Variants in TNFRSF9 observed in about 807,000 individuals in gnomAD.
TNFRSF9 encodes the protein TNF receptor superfamily member 9.
In TNFRSF9, 16 loss-of-function variants were observed where a neutral mutation model predicts 28.8. The ratio of observed to expected loss-of-function variants is 0.55; its 90% CI spans 0.38 to 0.84. The LOEUF is 0.84. TNFRSF9 is among the 40% of genes least tolerant of loss of function. The pLI, the probability that TNFRSF9 is intolerant of heterozygous loss-of-function variation, is 0.00. For synonymous variants in TNFRSF9, 131 were observed against 117.0 expected (o/e 1.12, Z -0.77); for missense variants, 303 against 315.0 (o/e 0.96, Z 0.29).
Position 7,935,128 on chromosome 1 carries a change from T to C in TNFRSF9, c.429A>G (p.Gly143=), listed in dbSNP as rs1270604315. The part of the protein sequence containing the change: ...CRPWTNCSLD[G]KSVLVNGTKE... The stretch of plus-strand genomic sequence containing the variant: ...TCGTCCCATTCACAAGCACAGACTT[T>C]CCATCCAAAGAACAGCTTAGACAGT... The change falls in exon 6 of 8, where the codon GGA becomes GGG. Residue 143 remains glycine (G), a synonymous_variant. Transcript: ENST00000377507. 13 of 1,614,208 alleles carry C rather than the reference T, an allele frequency of 8.1e-6. No homozygotes were observed. The highest frequency in any genetic ancestry group is 2.2e-5 in the East Asian group (1 of 44,882).
chr1:7,923,311 C>T (rs116256832), intron 7 of TNFRSF9, among the ~76,000 whole-genome samples: 1 of 152,210 alleles, frequency 6.6e-6, no homozygotes, highest in Non-Finnish European at 1.5e-5. Flanking sequence ...TGGACTTCCA[C>T]CCTCACGGCT....
rs1228488862 is a variant in TNFRSF9, at chr1:7,916,062, C to A, written c.*4773G>T. ...ACATCTTCCTGTGGGGGAAGATGCCCACTTTATAGTCATCCGCCCCTCACA... is the reference window on the plus strand; with the variant it reads ...ACATCTTCCTGTGGGGGAAGATGCCAACTTTATAGTCATCCGCCCCTCACA... On this transcript the variant is annotated 3_prime_UTR_variant, in exon 8 of 8. Transcript: ENST00000377507. 6.6e-6 allele frequency: 1 copy of A among 152,006 alleles called. No individual in the cohort carries two copies. The highest frequency in any genetic ancestry group is 1.9e-4 in the East Asian group (1 of 5,180). The allele number at this position is 152,006 out of a possible 1,614,324, so 9.4% of individuals were successfully genotyped here. A position where few individuals can be genotyped will look rare whatever the true frequency, so the allele number is the denominator to read the frequency against.
Position 7,920,340 on chromosome 1 carries a change from C to T in TNFRSF9, c.*495G>A, listed in dbSNP as rs1247356057. The stretch of plus-strand genomic sequence containing the variant: ...TTTTTTTTATCACCAGCTCTGTCCT[C>T]ATCTGTCTGTTCTGTTAAAAGTGGT... On this transcript the variant is annotated 3_prime_UTR_variant, in exon 8 of 8. Transcript: ENST00000377507. The T allele has an allele frequency of 6.9e-6, 1 of 144,174 alleles. No individual in the cohort carries two copies. Among genetic ancestry groups the T allele is most frequent in the Admixed American group, 7.0e-5 (1 of 14,188 alleles). The allele number at this position is 144,174 out of a possible 1,614,324, so 8.9% of individuals were successfully genotyped here.
Position 7,920,840 on chromosome 1 carries a change from G to A in TNFRSF9, c.763C>T (p.Leu255=), listed in dbSNP as rs2151410080. The A allele has an allele frequency of 6.2e-7, 1 of 1,613,278 alleles. No homozygotes were observed. Among genetic ancestry groups the A allele is most frequent in the South Asian group, 1.1e-5 (1 of 91,042 alleles). The part of the protein sequence containing the change: ...FPEEEEGGCE[L] ...CAGCCCTATTGACTTCCATTTCACA[G>A]TTCACATCCTCCTTCTTCTTCTTCT... is the stretch of plus-strand genomic sequence containing the variant. Residue 255 remains leucine (L), a synonymous_variant, in exon 8 of 8, where the codon CTG becomes TTG. Coordinates refer to ENST00000377507, the MANE Select transcript of TNFRSF9 (RefSeq NM_001561.6).
At chr1:7,927,179 G>A (rs1639668062) in intron 7 of TNFRSF9, among the ~76,000 whole-genome samples, 1 of 152,172 alleles carries the variant, frequency 6.6e-6, no homozygotes, top group African/African-American at 2.4e-5. Flanking sequence ...AATGCAAGAT[G>A]TGAGCAAACT....
intron 7 of TNFRSF9, among the ~76,000 whole-genome samples, chr1:7,931,898 C>A (rs1197094210): frequency 1.3e-5 from 2 of 152,236 alleles, no homozygotes; most frequent in African/African-American, 2.4e-5. Flanking sequence ...AATCCCAACA[C>A]TTTGGGAGGC....
chr1:7,931,787 A>G (rs1639734570), intron 7 of TNFRSF9, among the ~76,000 whole-genome samples: 4 of 152,260 alleles, frequency 2.6e-5, no homozygotes, highest in Admixed American at 2.0e-4. Context: ...ATAGGTCACA[A>G]TGTATAAAAG....
Position 7,924,782 on chromosome 1 carries a change from C to A in TNFRSF9, c.680-3859G>T, listed in dbSNP as rs182299006. Among the ~76,000 whole-genome samples, 4 of 152,248 alleles carry A rather than the reference C, an allele frequency of 2.6e-5. No homozygotes were observed. The East Asian group carries it at 7.7e-4, about 29-fold the overall frequency. ...TTGCCCCAAAGATCTTCCAGTGGGA[C>A]AAGATGTGGAGGTGGCAGACACCAA... On this transcript the variant is annotated intron_variant, in intron 7 of 7. Transcript: ENST00000377507.
intron 7 of TNFRSF9, among the ~76,000 whole-genome samples, chr1:7,929,966 C>CCTT (rs1300112446): frequency 1.3e-5 from 1 of 77,078 alleles, no homozygotes; most frequent in African/African-American, 4.6e-5. Context: ...CGACCTAAAA[C>CCTT]CTTTTTTTTT....
chr1:7,933,668 C>G (rs1456012695), intron 6 of TNFRSF9, among the ~76,000 whole-genome samples: 1 of 151,776 alleles, frequency 6.6e-6, no homozygotes, highest in Non-Finnish European at 1.5e-5. Flanking sequence ...GCACTCCAAC[C>G]TGGGCAACAG....
chr1:7,934,973 A>G (rs9657980), intron 6 of TNFRSF9, 40 bp downstream of exon 6: 34,407 of 1,609,826 alleles, frequency 0.021, 466 homozygotes, highest in Non-Finnish European at 0.026. Context: ...TGGAATCACC[A>G]TAAGATACGC....
chr1:7,936,096 AT>A (rs1639811676), intron 5 of TNFRSF9, among the ~76,000 whole-genome samples: 1 of 152,116 alleles, frequency 6.6e-6, no homozygotes, highest in Non-Finnish European at 1.5e-5. Context: ...ACTCTGAAAA[AT>A]TTGTATTGAA....
intron 5 of TNFRSF9, 136 bp from the exon 6 acceptor site, chr1:7,935,279 A>G: frequency 1.0e-6 from 1 of 987,420 alleles, no homozygotes. Context: ...AAGCGATGCA[A>G]AGATATTTTG....
chr1:7,924,294 CATATATATATAT>C (rs58569630), intron 7 of TNFRSF9, among the ~76,000 whole-genome samples: 43,528 of 129,538 alleles, frequency 0.34, 7,941 homozygotes, highest in Middle Eastern at 0.47. Flanking sequence ...TAGTATATTC[CATATATATATAT>C]ATATATATAT....
rs59398399 is a variant in TNFRSF9, at chr1:7,931,561, A to T, written c.679+1601T>A. Among the ~76,000 whole-genome samples the T allele has an allele frequency of 1.8e-3, 273 of 152,308 alleles. 1 individual carries two copies. Among genetic ancestry groups the T allele is most frequent in the African/African-American group, 6.4e-3 (265 of 41,556 alleles). Reference sequence around the variant, plus strand: ...ATGAAGTTCACAAGCAGCCCAATAAAACTGTGTTATTAGGTAGCAAAACTA... The same window carrying T: ...ATGAAGTTCACAAGCAGCCCAATAATACTGTGTTATTAGGTAGCAAAACTA... On this transcript the variant is annotated intron_variant, in intron 7 of 7. Coordinates refer to ENST00000377507, the MANE Select transcript of TNFRSF9 (RefSeq NM_001561.6).
intron 6 of TNFRSF9, among the ~76,000 whole-genome samples, chr1:7,934,067 T>C (rs924446324): frequency 6.6e-6 from 1 of 151,906 alleles, no homozygotes; most frequent in African/African-American, 2.4e-5. Flanking sequence ...TTATCCTTTC[T>C]AGCACATAGA....
chr1:7,921,035 C>G, intron 7 of TNFRSF9, 112 bp from the exon 8 acceptor site: 2 of 809,578 alleles, frequency 2.5e-6, no homozygotes, highest in Non-Finnish European at 4.0e-6. Context: ...ACATTCTCCC[C>G]TTTAATTTTA....
At chr1:7,931,781 GT>G (rs2151416873) in intron 7 of TNFRSF9, among the ~76,000 whole-genome samples, 1 of 152,290 alleles carries the variant, frequency 6.6e-6, no homozygotes, top group African/African-American at 2.4e-5. Flanking sequence ...TTCTGTATAG[GT>G]CACAATGTAT....
At chr1:7,927,912 A>C (rs899991556) in intron 7 of TNFRSF9, among the ~76,000 whole-genome samples, 1 of 152,150 alleles carries the variant, frequency 6.6e-6, no homozygotes, top group African/African-American at 2.4e-5. Context: ...TTTATAAACC[A>C]TATATATGCC....
Sources: allele counts gnomAD v4.1 joint callset (sites outside exome capture counted in the v4.1 genomes callset), GRCh38; gene constraint gnomAD v4.1.1; transcripts MANE v1.5; gene names NCBI Gene and HGNC (gene_info 2026-07-23, HGNC 2026-07-21).